Variants in PET117 observed in about 807,000 individuals in gnomAD.
PET117 encodes protein PET117 homolog, mitochondrial.
A neutral mutation model predicts 9.2 loss-of-function variants in PET117; 10 were observed. The observed-to-expected ratio is 1.09, with a 90% CI of 0.67 to 1.85. The LOEUF (loss-of-function observed/expected upper bound fraction) is 1.85. Ranked by LOEUF, PET117 falls within the 40% of genes most tolerant of loss-of-function variation. PET117 has a pLI of 0.00. For missense variants in PET117, 96 were observed against 98.2 expected (o/e 0.98, Z 0.09); for synonymous variants, 43 against 37.1 (o/e 1.16, Z -0.57).
At chr20:18,142,068 A>G in intron 1 of PET117, 140 bp from the exon 2 acceptor site, 1 of 880,356 alleles carries the variant, frequency 1.1e-6, no homozygotes, top group Non-Finnish European at 1.6e-6. Context: ...ATTTGTACAG[A>G]AAATTAAAAT....
rs746500595 is a variant in PET117, at chr20:18,142,681, G to C, written c.*324G>C. On this transcript the variant is annotated 3_prime_UTR_variant, in exon 2 of 2. Transcript: ENST00000432901. ...AAGGGATGGATAGTAGCATCCACCT[G>C]AGTAGTCTGATCAGTCGGCATGATG... 2.1e-5 allele frequency: 34 copies of C among 1,614,064 alleles called. No homozygotes were observed. In the Admixed American group the frequency reaches 5.7e-4, roughly 27 times the overall value.
intron 1 of PET117, among the ~76,000 whole-genome samples, chr20:18,139,776 C>T (rs889472118): frequency 2.0e-5 from 3 of 151,904 alleles, no homozygotes; most frequent in Non-Finnish European, 2.9e-5. Context: ...GTGGATGTGT[C>T]GGAAGGTTCA....
At chr20:18,139,380 G>T (rs2037434754) in intron 1 of PET117, among the ~76,000 whole-genome samples, 1 of 152,212 alleles carries the variant, frequency 6.6e-6, no homozygotes, top group Non-Finnish European at 1.5e-5. Flanking sequence ...TGTTTGAAGG[G>T]TTTGGGTAGG....
chr20:18,138,043 G>GA lies in PET117; in HGVS notation c.89dup (p.Asp30GlufsTer7). On this transcript the variant is annotated frameshift_variant, in exon 1 of 2. Coordinates refer to ENST00000432901, the MANE Select transcript of PET117 (RefSeq NM_001164811.2). LOFTEE classifies it high-confidence loss of function. Reference sequence around the variant, plus strand: ...CGGCGTACATGTGAAGCAGCAGTGGGACCAGCAGGTCGGTGTCACGTGACC... The same window carrying GA: ...CGGCGTACATGTGAAGCAGCAGTGGGAACCAGCAGGTCGGTGTCACGTGACC... 6.7e-7 allele frequency: 1 copy of GA among 1,488,236 alleles called. No individual in the cohort carries two copies. Among genetic ancestry groups the GA allele is most frequent in the African/African-American group, 1.5e-5 (1 of 68,692 alleles). 92.2% of individuals were successfully genotyped at this position (1,488,236 alleles called of 1,614,324 possible). A position where few individuals can be genotyped will look rare whatever the true frequency, so the allele number is the denominator to read the frequency against.
In PET117 at chr20:18,142,199, C is replaced by T. The variant is rs749629494; in HGVS notation, c.97-9C>T. ...GGATGTTACTGAAATCTGTTTCTTA[C>T]GTTTTTAGAGGCTTCGTGACGGAGT... On this transcript the variant is annotated splice_polypyrimidine_tract_variant and intron_variant, in intron 1 of 1. Transcript: ENST00000432901. The T allele has an allele frequency of 1.7e-4, 256 of 1,535,562 alleles. 5 individuals are homozygous for T. The highest frequency in any genetic ancestry group is 1.1e-3 in the South Asian group (93 of 83,842).
In PET117 at chr20:18,143,115, C is replaced by T. The variant is rs1844054746; in HGVS notation, c.*758C>T. 2 of 1,337,034 alleles carry T rather than the reference C, an allele frequency of 1.5e-6. No individual in the cohort carries two copies. Among genetic ancestry groups the T allele is most frequent in the Non-Finnish European group, 1.9e-6 (2 of 1,041,020 alleles). 82.8% of individuals were successfully genotyped at this position (1,337,034 alleles called of 1,614,324 possible). ...TGAAACGTACTGTCAACCTCTATCA[C>T]ATTGTTAAATTAACACTTTTGGTGG... On this transcript the variant is annotated 3_prime_UTR_variant, in exon 2 of 2. Coordinates refer to ENST00000432901, the MANE Select transcript of PET117 (RefSeq NM_001164811.2).
intron 1 of PET117, among the ~76,000 whole-genome samples, chr20:18,141,985 TATG>T (rs1424446616): frequency 2.0e-5 from 3 of 152,182 alleles, no homozygotes; most frequent in East Asian, 3.8e-4. Flanking sequence ...TTTCTTAAAA[TATG>T]ATAAGAAATC....
At chr20:18,138,421 A>T in intron 1 of PET117, 2 of 1,005,502 alleles carry the variant, frequency 2.0e-6, no homozygotes, top group South Asian at 4.7e-5. Context: ...TCCACATCTC[A>T]CTTGGGCCGC....
At chr20:18,138,151 G>A in intron 1 of PET117, 100 bp downstream of exon 1, 2 of 1,340,584 alleles carry the variant, frequency 1.5e-6, no homozygotes, top group South Asian at 3.7e-5. Flanking sequence ...TCCTCTTCGT[G>A]TCTTTCCCCC....
At chr20:18,138,287 G>A (rs2037378060) in intron 1 of PET117, 1 of 1,209,850 alleles carries the variant, frequency 8.3e-7, no homozygotes, top group South Asian at 3.6e-5. Flanking sequence ...CCGGCTGCCC[G>A]GCTTAGCGCC....
chr20:18,138,296 C>T (rs2037378322), intron 1 of PET117: 1 of 1,198,204 alleles, frequency 8.3e-7, no homozygotes, highest in Non-Finnish European at 1.0e-6. Flanking sequence ...CGGCTTAGCG[C>T]CTTTGGAGCT....
At chr20:18,138,334 A>G (rs1228384920) in intron 1 of PET117, 3 of 1,122,828 alleles carry the variant, frequency 2.7e-6, no homozygotes, top group Non-Finnish European at 3.3e-6. Context: ...TGCTCCGCAC[A>G]GGCACGGCAC....
rs565397478 is a variant in PET117 at position 18,138,506 on chromosome 20, T to C, written c.96+455T>C. Reference sequence around the variant, plus strand: ...TACCAGCCTCCCTCCTGGCCCAAGGTTGGGGTTAAAGCCTAATGTGTTTTA... The same window carrying C: ...TACCAGCCTCCCTCCTGGCCCAAGGCTGGGGTTAAAGCCTAATGTGTTTTA... On this transcript the variant is annotated intron_variant, in intron 1 of 1. Coordinates refer to ENST00000432901, the MANE Select transcript of PET117 (RefSeq NM_001164811.2). 17 of 972,708 alleles carry C rather than the reference T, an allele frequency of 1.7e-5. No homozygotes were observed. In the African/African-American group the frequency reaches 1.9e-4, roughly 11 times the overall value. The allele number at this position is 972,708 out of a possible 1,614,324, so 60.3% of individuals were successfully genotyped here. A position where few individuals can be genotyped will look rare whatever the true frequency, so the allele number is the denominator to read the frequency against.
intron 1 of PET117, among the ~76,000 whole-genome samples, chr20:18,141,029 T>TA (rs1248641388): frequency 3.0e-4 from 4 of 13,186 alleles, no homozygotes; most frequent in Admixed American, 1.0e-3. Flanking sequence ...TGCAATTTTT[T>TA]TTTTTTTTTT....
At chr20:18,139,308 C>T (rs1388401270) in intron 1 of PET117, among the ~76,000 whole-genome samples, 2 of 152,184 alleles carry the variant, frequency 1.3e-5, no homozygotes, top group Non-Finnish European at 2.9e-5. Flanking sequence ...GATGTTGATC[C>T]TGGGAAAACT....
chr20:18,139,633 CGTGTGTGTGTGTGTGT>C (rs71194228), intron 1 of PET117, among the ~76,000 whole-genome samples: 19,166 of 141,670 alleles, frequency 0.14, 1,833 homozygotes, highest in African/African-American at 0.27. Flanking sequence ...ACCAAAATAA[CGTGTGTGTGTGTGTGT>C]GTGTGTGTGT....
At position 18,142,205 on chromosome 20, in the gene PET117, T is replaced by C; in HGVS notation, c.97-3T>C. Reference sequence around the variant, plus strand: ...TACTGAAATCTGTTTCTTACGTTTTTAGAGGCTTCGTGACGGAGTTATCAG... The same window carrying C: ...TACTGAAATCTGTTTCTTACGTTTTCAGAGGCTTCGTGACGGAGTTATCAG... On this transcript the variant is annotated splice_polypyrimidine_tract_variant and splice_region_variant and intron_variant, in intron 1 of 1. Coordinates refer to ENST00000432901, the MANE Select transcript of PET117 (RefSeq NM_001164811.2). 1 of 1,536,568 alleles carries C rather than the reference T, an allele frequency of 6.5e-7. No homozygotes were observed. The highest frequency in any genetic ancestry group is 1.2e-5 in the South Asian group (1 of 83,954).
Position 18,137,899 on chromosome 20 carries a change from G to C in PET117, c.-57G>C. On this transcript the variant is annotated 5_prime_UTR_variant, in exon 1 of 2. Transcript: ENST00000432901. ...GTACAGGCGGCGGTGCGCACTCTGC[G>C]GCGGCCTCTGCGCCTCGGGCGGGCG... is the stretch of plus-strand genomic sequence containing the variant. 6.9e-7 allele frequency: 1 copy of C among 1,439,298 alleles called. No homozygotes were observed. The highest frequency in any genetic ancestry group is 2.7e-5 in the Admixed American group (1 of 37,404). The allele number at this position is 1,439,298 out of a possible 1,614,324, so 89.2% of individuals were successfully genotyped here.
In PET117 at chr20:18,142,970, GT is replaced by G; in HGVS notation, c.*618del. 6.3e-7 allele frequency: 1 copy of G among 1,592,282 alleles called. No homozygotes were observed. Among genetic ancestry groups the G allele is most frequent in the Admixed American group, 1.7e-5 (1 of 58,404 alleles). On this transcript the variant is annotated 3_prime_UTR_variant, in exon 2 of 2. Coordinates refer to ENST00000432901, the MANE Select transcript of PET117 (RefSeq NM_001164811.2). ...TTTGTCAATTCCTGTGTGAAGGTTT[GT>G]TTTTCCAACCTGTGAAAGAAACGTG...
Sources: allele counts gnomAD v4.1 joint callset (sites outside exome capture counted in the v4.1 genomes callset), GRCh38; gene constraint gnomAD v4.1.1; transcripts MANE v1.5; gene names NCBI Gene and HGNC (gene_info 2026-07-23, HGNC 2026-07-21).